Variants in SEZ6L2 observed in about 807,000 individuals in gnomAD.
The protein encoded by SEZ6L2 is seizure related 6 homolog like 2.
In SEZ6L2, 44 loss-of-function variants were observed where a neutral mutation model predicts 97.0. That is an observed-to-expected ratio of 0.45 (90% CI 0.36 to 0.58). The LOEUF is 0.58. Among genes scored for constraint, SEZ6L2 ranks in the 20% least tolerant of loss-of-function variants. SEZ6L2 has a pLI of 0.00. For synonymous variants in SEZ6L2, 543 were observed against 546.1 expected (o/e 0.99, Z 0.08); for missense variants, 1,086 against 1,233.3 (o/e 0.88, Z 1.79).
rs2067827814 is a variant in SEZ6L2 at position 29,873,361 on chromosome 16, G to A, written c.2367C>T (p.Tyr789=). 1.2e-6 allele frequency: 2 copies of A among 1,614,238 alleles called. No individual in the cohort carries two copies. The highest frequency in any genetic ancestry group is 2.2e-5 in the East Asian group (1 of 44,890). ...NGYQTLYKHH[Y]QAGESLRFFC... is the part of the protein sequence containing the mutation. ...AGAAGCGCAGAGACTCGCCCGCCTG[G>A]TAGTGGTGCTTGTACAGCGTCTGGT... The change falls in exon 14 of 18, where the codon TAC becomes TAT. Residue 789 remains tyrosine (Y), a synonymous_variant. Transcript: ENST00000617533. The surrounding 1 kb of genome is among the most constrained non-coding windows in gnomAD (Gnocchi z 4.3).
chr16:29,872,895 G>T, intron 14 of SEZ6L2, 152 bp from the exon 15 acceptor site: 1 of 683,748 alleles, frequency 1.5e-6, no homozygotes, highest in South Asian at 1.9e-5. Context: ...GGAAGAGAGA[G>T]GAGTGACCAG....
At chr16:29,879,258 A>C (rs1355861502) in intron 9 of SEZ6L2, among the ~76,000 whole-genome samples, 1 of 139,148 alleles carries the variant, frequency 7.2e-6, no homozygotes, top group Non-Finnish European at 1.5e-5. Context: ...GGAGTTTCAC[A>C]CTTCTTGCCC....
chr16:29,898,131 G>C (rs370236756), intron 1 of SEZ6L2, 147 bp from the exon 2 acceptor site: 3 of 1,161,508 alleles, frequency 2.6e-6, no homozygotes, highest in Non-Finnish European at 3.6e-6. Flanking sequence ...GGCCAAGATC[G>C]GAGGAGGGGC....
chr16:29,893,115 G>A (rs1054311356), intron 5 of SEZ6L2, among the ~76,000 whole-genome samples: 13 of 151,460 alleles, frequency 8.6e-5, no homozygotes, highest in South Asian at 2.1e-4. Context: ...TCCTGAGGTC[G>A]GGAGTTCGAG....
chr16:29,881,425 C>G (rs1490008570), intron 8 of SEZ6L2, among the ~76,000 whole-genome samples: 1 of 152,050 alleles, frequency 6.6e-6, no homozygotes, highest in Admixed American at 6.6e-5. Context: ...TCAGAAATAA[C>G]AGTTGGATTC....
intron 12 of SEZ6L2, among the ~76,000 whole-genome samples, chr16:29,874,550 GTT>G (rs541095994): frequency 6.1e-5 from 2 of 32,568 alleles, no homozygotes; most frequent in African/African-American, 1.6e-4. Flanking sequence ...GTGTGTGCTT[GTT>G]TTTTTTTTTT....
chr16:29,895,909 C>T (rs1596992956), intron 3 of SEZ6L2, 49 bp from the exon 4 acceptor site: 1 of 1,556,934 alleles, frequency 6.4e-7, no homozygotes, highest in Non-Finnish European at 8.7e-7. Context: ...GTGCTTTTGC[C>T]CTCCCAGCCA....
At chr16:29,880,453 G>A (rs1384866452) in intron 8 of SEZ6L2, among the ~76,000 whole-genome samples, 1 of 152,048 alleles carries the variant, frequency 6.6e-6, no homozygotes, top group Non-Finnish European at 1.5e-5. Context: ...CTGAGTAGCT[G>A]GGATTATAGG....
Position 29,897,962 on chromosome 16 carries a change from C to T in SEZ6L2, c.102G>A (p.Glu34=), listed in dbSNP as rs774917848. Residue 34 remains glutamate (E), a synonymous_variant, in exon 2 of 18, where the codon GAG becomes GAA. Transcript: ENST00000617533. ...TCTCACTTCCAGGCTCTGGCAATAT[C>T]TCCTCCTCCTTCAGGGGCAGACCTA... ...WIQGLPLKEE[E]ILPEPGSETP... 1.1e-5 allele frequency: 18 copies of T among 1,613,546 alleles called. No individual in the cohort carries two copies. The Admixed American group carries it at 2.0e-4, about 18-fold the overall frequency.
In SEZ6L2 at chr16:29,899,281, C is replaced by G; in HGVS notation, c.-262G>C. Reference sequence around the variant, plus strand: ...CTCTGTGGTGGAGGGGGCGCGGCTCCGGCTGCAGGGGGTGGGGCCGAGAGG... The same window carrying G: ...CTCTGTGGTGGAGGGGGCGCGGCTCGGGCTGCAGGGGGTGGGGCCGAGAGG... On this transcript the variant is annotated 5_prime_UTR_variant, in exon 1 of 18. Transcript: ENST00000617533. 1 of 431,914 alleles carries G rather than the reference C, an allele frequency of 2.3e-6. No homozygotes were observed. Among genetic ancestry groups the G allele is most frequent in the Admixed American group, 4.3e-5 (1 of 23,020 alleles). 26.8% of individuals were successfully genotyped at this position (431,914 alleles called of 1,614,324 possible).
Position 29,897,812 on chromosome 16 carries a change from C to T in SEZ6L2, c.211+41G>A, listed in dbSNP as rs748361008. The T allele has an allele frequency of 1.9e-6, 3 of 1,564,156 alleles. No homozygotes were observed. The African/African-American group carries it at 4.2e-5, about 22-fold the overall frequency. On this transcript the variant is annotated intron_variant, in intron 2 of 17. Coordinates refer to ENST00000617533, the MANE Select transcript of SEZ6L2 (RefSeq NM_001243332.2). ...CCATCTCCCTGAGCCCATATCCCTC[C>T]CTCTGCCTCTAGGCCACTCCTGCCA...
chr16:29,894,293 A>C (rs1448346991), intron 5 of SEZ6L2, among the ~76,000 whole-genome samples: 1 of 152,228 alleles, frequency 6.6e-6, no homozygotes, highest in African/African-American at 2.4e-5. Flanking sequence ...AACTTGTCCC[A>C]GGTCACACAG....
In SEZ6L2 at chr16:29,876,163, C is replaced by A. The variant is rs2067898948; in HGVS notation, c.2104+593G>T. Among the ~76,000 whole-genome samples, 1 of 152,128 alleles carries A rather than the reference C, an allele frequency of 6.6e-6. No individual in the cohort carries two copies. Among genetic ancestry groups the A allele is most frequent in the South Asian group, 2.1e-4 (1 of 4,828 alleles). ...TCGCCCAAAGTCACCCAGTGATCAC[C>A]ACCCTGCGTATCCCTCCCAGACTGC... On this transcript the variant is annotated intron_variant, in intron 12 of 17. Coordinates refer to ENST00000617533, the MANE Select transcript of SEZ6L2 (RefSeq NM_001243332.2). This position sits in a 1 kb window ranked among gnomAD's most constrained non-coding sequence, Gnocchi z 6.5.
chr16:29,885,500 TAG>T, intron 8 of SEZ6L2, 84 bp downstream of exon 8: 1 of 1,416,348 alleles, frequency 7.1e-7, no homozygotes, highest in Non-Finnish European at 9.8e-7. Context: ...TGAACAGGCA[TAG>T]AGTTTGTGCT....
Position 29,899,397 on chromosome 16 carries a change from G to A in SEZ6L2, c.-378C>T, listed in dbSNP as rs944538437. On this transcript the variant is annotated 5_prime_UTR_variant, in exon 1 of 18. Coordinates refer to ENST00000617533, the MANE Select transcript of SEZ6L2 (RefSeq NM_001243332.2). ...GACCCCAAGCTAGGGGACTGGGGAG[G>A]AGAAAGACAGCTTCTGGGGGTTTAG... 1 of 245,294 alleles carries A rather than the reference G, an allele frequency of 4.1e-6. No homozygotes were observed. Among genetic ancestry groups the A allele is most frequent in the Non-Finnish European group, 7.8e-6 (1 of 127,970 alleles). 15.2% of individuals were successfully genotyped at this position (245,294 alleles called of 1,614,324 possible).
intron 10 of SEZ6L2, 64 bp downstream of exon 10, chr16:29,878,223 G>C: frequency 3.4e-6 from 5 of 1,489,460 alleles, no homozygotes; most frequent in Non-Finnish European, 4.5e-6. Flanking sequence ...GCAGGCTACT[G>C]CATTGGCATA....
At chr16:29,880,199 GT>G (rs2068001829) in intron 8 of SEZ6L2, 135 bp from the exon 9 acceptor site, 1 of 786,900 alleles carries the variant, frequency 1.3e-6, no homozygotes, top group East Asian at 2.8e-5. Flanking sequence ...GTCTTGTGCT[GT>G]CGCCCAGGCT....
intron 12 of SEZ6L2, among the ~76,000 whole-genome samples, chr16:29,875,661 C>CTTTTTTTTTTTTTT (rs149293940): frequency 8.0e-5 from 9 of 112,710 alleles, no homozygotes; most frequent in East Asian, 2.3e-4. Flanking sequence ...TTCTTTCTTT[C>CTTTTTTTTTTTTTT]TTTCTTTTTT....
rs1473941820 is a variant in SEZ6L2 at position 29,878,357 on chromosome 16, T to C, written c.1642A>G (p.Ser548Gly). ...VLSPDWPQSY[S>G]PGQDCVWGVH... ...CCCCACACGCAGTCTTGGCCCGGGC[T>C]ATAGCTCTGGGGCCAGTCGGGAGAG... Residue 548 changes from serine (S) to glycine (G), a missense_variant, in exon 10 of 18, where the codon AGC becomes GGC. By Grantham distance (56) the Ser-to-Gly change is moderately conservative (BLOSUM62 0). This residue lies in a region of SEZ6L2 where 776 missense variants were observed against 794.7 expected (regional missense o/e 0.98). Transcript: ENST00000617533. 1.2e-6 allele frequency: 2 copies of C among 1,607,942 alleles called. No homozygotes were observed. The highest frequency in any genetic ancestry group is 8.5e-7 in the Non-Finnish European group (1 of 1,176,854).
Sources: gnomAD v4.1 joint callset for allele counts (sites outside exome capture counted in the v4.1 genomes callset) on GRCh38, gnomAD v4.1.1 for gene constraint, gnomAD v4.1.1 regional missense constraint, Gnocchi (gnomAD v3.1) non-coding constraint, MANE v1.5 for transcripts, NCBI Gene and HGNC (gene_info 2026-07-23, HGNC 2026-07-21) for gene names.